Variants in NBEA observed in about 807,000 individuals in gnomAD.
NBEA encodes the protein lysosomal-trafficking regulator 2.
NBEA carries 44 observed loss-of-function variants against 343.4 expected under a neutral mutation model. The observed-to-expected ratio is 0.13, with a 90% CI of 0.10 to 0.16. NBEA has a LOEUF of 0.16. Among genes scored for constraint, NBEA ranks in the 10% least tolerant of loss-of-function variants. The pLI, the probability that NBEA is intolerant of heterozygous loss-of-function variation, is 1.00. For synonymous variants in NBEA, 1,175 were observed against 1,238.7 expected (o/e 0.95, Z 1.08); for missense variants, 2,555 against 3,631.3 (o/e 0.70, Z 7.62).
In NBEA at chr13:35,104,528, A is replaced by C. The variant is rs73498493; in HGVS notation, c.1681-4762A>C. Among the ~76,000 whole-genome samples the C allele has an allele frequency of 6.4e-3, 977 of 152,062 alleles. 11 individuals are homozygous for C. Among genetic ancestry groups the C allele is most frequent in the African/African-American group, 0.023 (936 of 41,540 alleles). Reference sequence around the variant, plus strand: ...TATGCTTGTCTGATTACCTGCAAAGAGTAACTTTTTTACCTTTCTTGGAGG... The same window carrying C: ...TATGCTTGTCTGATTACCTGCAAAGCGTAACTTTTTTACCTTTCTTGGAGG... On this transcript the variant is annotated intron_variant, in intron 11 of 58. Transcript: ENST00000379939.
chr13:35,199,278 C>G (rs2072849507), intron 31 of NBEA, among the ~76,000 whole-genome samples: 1 of 152,084 alleles, frequency 6.6e-6, no homozygotes, highest in Non-Finnish European at 1.5e-5. Context: ...GCACTAATGT[C>G]TGAAATCCAA....
In NBEA at chr13:35,097,470, G is replaced by A. The variant is rs145475247; in HGVS notation, c.1572-827G>A. 6.0e-3 allele frequency among the ~76,000 whole-genome samples: 907 copies of A among 151,998 alleles called. 5 individuals are homozygous for A. Among genetic ancestry groups the A allele is most frequent in the Non-Finnish European group, 9.7e-3 (660 of 67,842 alleles). ...AACAATTTATTTTGAGCTACATTAA[G>A]CATATACAATGAAGGAATATGTATT... On this transcript the variant is annotated intron_variant, in intron 10 of 58. Transcript: ENST00000379939.
At chr13:34,983,864 G>A (rs919617846) in intron 1 of NBEA, among the ~76,000 whole-genome samples, 18 of 151,962 alleles carry the variant, frequency 1.2e-4, no homozygotes, top group African/African-American at 4.1e-4. Context: ...CTTTTTGATG[G>A]GGTTGTTTTT....
chr13:35,544,135 C>T (rs2078959927), intron 41 of NBEA, among the ~76,000 whole-genome samples: 2 of 152,166 alleles, frequency 1.3e-5, no homozygotes, highest in Non-Finnish European at 2.9e-5. Context: ...AATTGCACCA[C>T]AACAAGCTCT....
rs910482438 is a variant in NBEA at position 35,208,626 on chromosome 13, A to G, written c.5367-74A>G. ...GGGAGAAATTCGATGTTGACTATGT[A>G]TATCTGTTGCAGCAGGATTATAATT... On this transcript the variant is annotated intron_variant, in intron 31 of 58. Coordinates refer to ENST00000379939, the MANE Select transcript of NBEA (RefSeq NM_001385012.1). 11 of 1,315,278 alleles carry G rather than the reference A, an allele frequency of 8.4e-6. No individual in the cohort carries two copies. The South Asian group carries it at 2.0e-4, about 23-fold the overall frequency. The allele number at this position is 1,315,278 out of a possible 1,614,324, so 81.5% of individuals were successfully genotyped here.
At chr13:35,154,295 A>G (rs1369601095) in intron 18 of NBEA, among the ~76,000 whole-genome samples, 1 of 152,084 alleles carries the variant, frequency 6.6e-6, no homozygotes, top group Admixed American at 6.6e-5. Flanking sequence ...CTCTCTCTCA[A>G]TTTGCTTTTT....
intron 33 of NBEA, among the ~76,000 whole-genome samples, chr13:35,227,773 C>T (rs998085846): frequency 6.6e-6 from 1 of 151,920 alleles, no homozygotes; most frequent in South Asian, 2.1e-4. Context: ...GTAAAAATGA[C>T]TTTATGAAGT....
chr13:35,528,141 A>G (rs1181793612), intron 41 of NBEA, among the ~76,000 whole-genome samples: 1 of 152,154 alleles, frequency 6.6e-6, no homozygotes, highest in East Asian at 1.9e-4. Flanking sequence ...TCAGTTTTTC[A>G]TATATGCAAC....
intron 48 of NBEA, among the ~76,000 whole-genome samples, chr13:35,617,506 T>C (rs1226776185): frequency 6.6e-6 from 1 of 152,192 alleles, no homozygotes; most frequent in Non-Finnish European, 1.5e-5. Flanking sequence ...AACAAAAAGC[T>C]GTATCCATAA....
At chr13:35,064,814 A>AG (rs1462329073) in intron 8 of NBEA, among the ~76,000 whole-genome samples, 2 of 151,840 alleles carry the variant, frequency 1.3e-5, no homozygotes, top group African/African-American at 4.8e-5. Flanking sequence ...AAAGGTGGTT[A>AG]GACTGTCTTC....
rs1381222017 is a variant in NBEA, at chr13:35,123,555, C to T, written c.2317C>T (p.Leu773=). The part of the protein sequence containing the change: ...VQALKVLGYF[L]KHLGHKRKVE... The stretch of plus-strand genomic sequence containing the variant: ...AGCTTTGAAGGTTCTGGGATACTTT[C>T]TGAAGCATTTAGGTCACAAGTAAGT... Residue 773 remains leucine, a synonymous_variant, in exon 17 of 59, where the codon CTG becomes TTG. Transcript: ENST00000379939. 4 of 1,524,876 alleles carry T rather than the reference C, an allele frequency of 2.6e-6. No homozygotes were observed. The highest frequency in any genetic ancestry group is 3.5e-6 in the Non-Finnish European group (4 of 1,129,108). 94.5% of individuals were successfully genotyped at this position (1,524,876 alleles called of 1,614,324 possible). A position where few individuals can be genotyped will look rare whatever the true frequency, so the allele number is the denominator to read the frequency against.
Position 35,670,953 on chromosome 13 carries a change from T to C in NBEA, c.8866T>C (p.Phe2956Leu). 6.3e-7 allele frequency: 1 copy of C among 1,591,612 alleles called. No individual in the cohort carries two copies. The highest frequency in any genetic ancestry group is 8.6e-7 in the Non-Finnish European group (1 of 1,168,088). Residue 2956 changes from phenylalanine to leucine, a missense_variant, in exon 59 of 59, where the codon TTT becomes CTT. This residue lies in a region of NBEA where 186 missense variants were observed against 328.9 expected (regional missense o/e 0.57). Coordinates refer to ENST00000379939, the MANE Select transcript of NBEA (RefSeq NM_001385012.1). ...TAGCATTGTAGCTTTTAATATAGAT[T>C]TTAATCGGTGGCATTATGAGCATCA... ...SGSIVAFNIDFNRWHYEHQNR... is the reference protein window; with the variant it reads ...SGSIVAFNIDLNRWHYEHQNR...
chr13:35,224,036 A>G (rs9315334), intron 33 of NBEA, among the ~76,000 whole-genome samples: 23,644 of 152,140 alleles, frequency 0.16, 1,941 homozygotes, highest in South Asian at 0.2. Flanking sequence ...CGCCTTGCGC[A>G]TGGCCTCCTA....
chr13:35,110,937 T>C lies in NBEA; in HGVS notation c.1961T>C (p.Ile654Thr). Reference protein sequence around the residue: ...MHTLKYYYWVINPADSSGITP... With the variant: ...MHTLKYYYWVTNPADSSGITP... ...ACCTTAAAATATTACTACTGGGTTA[T>C]TAATCCTGCTGACAGTAGTGGCATT... is the stretch of plus-strand genomic sequence containing the variant. Residue 654 changes from isoleucine (I) to threonine (T), a missense_variant, in exon 13 of 59, where the codon ATT (isoleucine) becomes ACT (threonine). By Grantham distance (89) the Ile-to-Thr change is moderately conservative (BLOSUM62 -1). Coordinates refer to ENST00000379939, the MANE Select transcript of NBEA (RefSeq NM_001385012.1). The C allele has an allele frequency of 6.2e-7, 1 of 1,611,954 alleles. No individual in the cohort carries two copies. Among genetic ancestry groups the C allele is most frequent in the Non-Finnish European group, 8.5e-7 (1 of 1,178,366 alleles).
In NBEA at chr13:34,944,062, G is replaced by T. The variant is rs553119118; in HGVS notation, c.294+948G>T. ...CATATTTAGTGCTTTGTAAATGGAG[G>T]TTTTGTTTTGTTTTGTTTTGTTTTT... On this transcript the variant is annotated intron_variant, in intron 1 of 58. Coordinates refer to ENST00000379939, the MANE Select transcript of NBEA (RefSeq NM_001385012.1). Among the ~76,000 whole-genome samples, 8 of 152,172 alleles carry T rather than the reference G, an allele frequency of 5.3e-5. No individual in the cohort carries two copies. In the East Asian group the frequency reaches 1.4e-3, roughly 26 times the overall value.
intron 41 of NBEA, among the ~76,000 whole-genome samples, chr13:35,528,901 G>A (rs556128932): frequency 6.6e-6 from 1 of 152,212 alleles, no homozygotes; most frequent in African/African-American, 2.4e-5. Flanking sequence ...TGTGATTAAA[G>A]ACTTATTCTT....
chr13:35,156,151 C>A lies in NBEA; in HGVS notation c.2596C>A (p.Arg866Ser). Residue 866 changes from arginine to serine, a missense_variant, in exon 20 of 59, where the codon CGT becomes AGT. By Grantham distance (110) the Arg-to-Ser change is moderately radical. Around this residue, in one of 21 missense-constraint regions of NBEA, gnomAD observed 360 missense variants for 519.1 expected, o/e 0.69. Coordinates refer to ENST00000379939, the MANE Select transcript of NBEA (RefSeq NM_001385012.1). ...TPSAELMEVR[R>S]LFLSDMIKLF... ...AAGTGCAGAGCTGATGGAAGTTCGT[C>A]GTTTATTTTTATCTGATATGATAAA... The A allele has an allele frequency of 1.3e-6, 2 of 1,590,590 alleles. No homozygotes were observed. Among genetic ancestry groups the A allele is most frequent in the South Asian group, 2.3e-5 (2 of 86,538 alleles).
At chr13:35,401,248 G>C (rs1157841144) in intron 38 of NBEA, among the ~76,000 whole-genome samples, 1 of 151,942 alleles carries the variant, frequency 6.6e-6, no homozygotes, top group Non-Finnish European at 1.5e-5. Flanking sequence ...ATAGAGCAAT[G>C]ATAAGACAGA....
chr13:35,195,551 C>T (rs958958975), intron 30 of NBEA, among the ~76,000 whole-genome samples: 14 of 151,872 alleles, frequency 9.2e-5, no homozygotes, highest in African/African-American at 1.7e-4. Context: ...CGTATCCCAC[C>T]GTGCCTAGCT....
Sources: gnomAD v4.1 joint callset for allele counts (sites outside exome capture counted in the v4.1 genomes callset) on GRCh38, gnomAD v4.1.1 for gene constraint, gnomAD v4.1.1 regional missense constraint, MANE v1.5 for transcripts, NCBI Gene and HGNC (gene_info 2026-07-23, HGNC 2026-07-21) for gene names.